The following ZNF385D variants were observed in gnomAD, a reference collection of about 807,000 sequenced individuals.
ZNF385D encodes zinc finger protein 385D, also known as zinc finger protein 659.
In ZNF385D, 15 loss-of-function variants were observed where a neutral mutation model predicts 35.8. That is an observed-to-expected ratio of 0.42 (90% confidence interval 0.28 to 0.64). The LOEUF is 0.64. Among genes scored for constraint, ZNF385D ranks in the 30% least tolerant of loss-of-function variants. The probability of loss-of-function intolerance (pLI) is 0.23; values close to 1 mark genes in which losing one functional copy is unlikely to be tolerated. For synonymous variants in ZNF385D, 212 were observed against 186.8 expected (o/e 1.13, Z -1.10); for missense variants, 474 against 494.6 (o/e 0.96, Z 0.39).
intron 3 of ZNF385D, among the ~76,000 whole-genome samples, chr3:21,806,395 C>A (rs188686009): frequency 6.6e-6 from 1 of 151,838 alleles, no homozygotes; most frequent in East Asian, 1.9e-4. Context: ...TTAGTAGAGA[C>A]GGGGTTTCAC....
In ZNF385D at chr3:21,947,499, C is replaced by T. The variant is rs536024329; in HGVS notation, c.325+221318G>A. On this transcript the variant is annotated intron_variant, in intron 3 of 5. Coordinates refer to the ZNF385D transcript ENST00000494108. Reference sequence around the variant, plus strand: ...CTGAGTCGCTGGGATTACAGGTGTGCACCACCATGCCTGGCTAATTTTTTG... The same window carrying T: ...CTGAGTCGCTGGGATTACAGGTGTGTACCACCATGCCTGGCTAATTTTTTG... Among the ~76,000 whole-genome samples the T allele has an allele frequency of 2.6e-5, 4 of 152,154 alleles. No individual in the cohort carries two copies. The East Asian group carries it at 7.8e-4, about 30-fold the overall frequency.
rs1349549027 is a variant in ZNF385D, at chr3:21,998,855, GAC to G, written c.325+169960_325+169961del. 3.3e-5 allele frequency among the ~76,000 whole-genome samples: 5 copies of G among 152,236 alleles called. 1 individual carries two copies. In the South Asian group the frequency reaches 8.3e-4, roughly 25 times the overall value. On this transcript the variant is annotated intron_variant, in intron 3 of 5. Coordinates refer to the ZNF385D transcript ENST00000494108. ...TAACATACGCACACACATAGACACA[GAC>G]ACACACATGCTCACATGCACATACT...
intron 1 of ZNF385D, among the ~76,000 whole-genome samples, chr3:21,726,024 T>A (rs529769210): frequency 6.6e-6 from 1 of 152,086 alleles, no homozygotes; most frequent in Non-Finnish European, 1.5e-5. Flanking sequence ...TGGTTCAACA[T>A]ACACAAATCA....
chr3:22,026,447 G>T (rs558744221), intron 3 of ZNF385D, among the ~76,000 whole-genome samples: 1 of 152,296 alleles, frequency 6.6e-6, no homozygotes, highest in South Asian at 2.1e-4. Context: ...ACTACTGGAC[G>T]CTGGCTCTGA....
intron 3 of ZNF385D, among the ~76,000 whole-genome samples, chr3:21,896,626 T>C (rs1404990747): frequency 6.6e-6 from 1 of 152,124 alleles, no homozygotes; most frequent in African/African-American, 2.4e-5. Flanking sequence ...TTGATTGTGG[T>C]ACAAATTGTG....
chr3:21,983,230 T>C (rs1045906578), intron 3 of ZNF385D, among the ~76,000 whole-genome samples: 4 of 146,344 alleles, frequency 2.7e-5, no homozygotes, highest in African/African-American at 1.0e-4. Flanking sequence ...TAGTTACATA[T>C]GTATACATGT....
intron 2 of ZNF385D, chr3:21,580,033 A>C (rs1032695088): frequency 2.6e-5 from 4 of 152,072 alleles, no homozygotes; most frequent in African/African-American, 9.7e-5. Context: ...TTCAACTTAA[A>C]ACAAATGGAA....
intron 3 of ZNF385D, among the ~76,000 whole-genome samples, chr3:22,029,902 G>C (rs1425038173): frequency 6.6e-6 from 1 of 151,970 alleles, no homozygotes; most frequent in East Asian, 1.9e-4. Context: ...AACTTGATTG[G>C]ATTGAACGAT....
chr3:22,130,709 T>C (rs551587972), intron 3 of ZNF385D, among the ~76,000 whole-genome samples: 3 of 152,242 alleles, frequency 2.0e-5, no homozygotes, highest in African/African-American at 4.8e-5. Flanking sequence ...GTGTAGACAA[T>C]TCAAGACTGC....
intron 2 of ZNF385D, among the ~76,000 whole-genome samples, chr3:22,213,691 A>T (rs567736742): frequency 2.0e-5 from 3 of 152,150 alleles, no homozygotes; most frequent in African/African-American, 4.8e-5. Flanking sequence ...AAGTCACTAT[A>T]ACTCCAAAAG....
chr3:22,225,810 C>T (rs771032298), intron 2 of ZNF385D, among the ~76,000 whole-genome samples: 10 of 152,268 alleles, frequency 6.6e-5, no homozygotes, highest in Non-Finnish European at 1.3e-4. Flanking sequence ...ATATAGTAAG[C>T]ATTTATTTGC....
chr3:21,727,151 C>T (rs562305416), intron 1 of ZNF385D, among the ~76,000 whole-genome samples: 14 of 152,254 alleles, frequency 9.2e-5, no homozygotes, highest in African/African-American at 3.4e-4. Context: ...CCCTTTCTTA[C>T]ACCTTATACA....
At chr3:21,496,564 G>GAT (rs1399825953) in intron 4 of ZNF385D, among the ~76,000 whole-genome samples, 2 of 119,748 alleles carry the variant, frequency 1.7e-5, no homozygotes, top group African/African-American at 5.9e-5. Flanking sequence ...ACATATATTT[G>GAT]ATATATATAT....
At chr3:22,369,947 C>T (rs1466607743) in intron 2 of ZNF385D, among the ~76,000 whole-genome samples, 1 of 152,088 alleles carries the variant, frequency 6.6e-6, no homozygotes, top group African/African-American at 2.4e-5. Flanking sequence ...AGAAATGCAA[C>T]ATTTTAATTA....
intron 3 of ZNF385D, among the ~76,000 whole-genome samples, chr3:21,552,391 G>T (rs953263804): frequency 6.6e-6 from 1 of 152,074 alleles, no homozygotes; most frequent in African/African-American, 2.4e-5. Context: ...AACATTTCCA[G>T]TACATGAGTT....
intron 3 of ZNF385D, among the ~76,000 whole-genome samples, chr3:21,944,769 TTATTATTTTA>T (rs1701693131): frequency 6.6e-6 from 1 of 152,196 alleles, no homozygotes; most frequent in Non-Finnish European, 1.5e-5. Flanking sequence ...CAAATTAAGA[TTATTATTTTA>T]TATTATTTTA....
At chr3:22,094,673 G>C (rs562290923) in intron 3 of ZNF385D, among the ~76,000 whole-genome samples, 3 of 152,056 alleles carry the variant, frequency 2.0e-5, no homozygotes, top group Admixed American at 6.6e-5. Flanking sequence ...GGAGCCCTGG[G>C]CTGGGAGAAG....
At chr3:21,472,277 C>T (rs1322056103) in intron 4 of ZNF385D, among the ~76,000 whole-genome samples, 1 of 152,128 alleles carries the variant, frequency 6.6e-6, no homozygotes, top group Non-Finnish European at 1.5e-5. Flanking sequence ...AACAAGAAAT[C>T]TCTACTCTTG....
chr3:22,314,295 C>A (rs1298525790), intron 2 of ZNF385D, among the ~76,000 whole-genome samples: 1 of 151,972 alleles, frequency 6.6e-6, no homozygotes, highest in East Asian at 1.9e-4. Context: ...CCACTGAGTC[C>A]CCAAAGTCTA....
Sources: gnomAD v4.1 joint callset for allele counts (sites outside exome capture counted in the v4.1 genomes callset) on GRCh38, gnomAD v4.1.1 for gene constraint, MANE v1.5 for transcripts, NCBI Gene and HGNC (gene_info 2026-07-23, HGNC 2026-07-21) for gene names.